PRTFDC1: variants seen among roughly 807,000 people sequenced by gnomAD.
PRTFDC1 encodes the protein phosphoribosyl transferase domain containing 1.
In PRTFDC1, 38 loss-of-function variants were observed where a neutral mutation model predicts 34.6. That is an observed-to-expected ratio of 1.10 (90% CI 0.85 to 1.44). PRTFDC1 has a LOEUF of 1.44. Ranked by LOEUF, PRTFDC1 falls within the 40% of genes most tolerant of loss-of-function variation. PRTFDC1 has a pLI of 0.00. For synonymous variants in PRTFDC1, 93 were observed against 98.1 expected (o/e 0.95, Z 0.31); for missense variants, 270 against 283.0 (o/e 0.95, Z 0.33).
intron 3 of PRTFDC1, among the ~76,000 whole-genome samples, chr10:24,907,044 T>C (rs1848547865): frequency 6.6e-6 from 1 of 152,066 alleles, no homozygotes; most frequent in African/African-American, 2.4e-5. Flanking sequence ...AATGAGATAG[T>C]ATAGATAAGT....
intron 3 of PRTFDC1, among the ~76,000 whole-genome samples, chr10:24,899,338 A>G (rs1848416042): frequency 6.6e-6 from 1 of 152,086 alleles, no homozygotes. Context: ...GTTAAAGCAC[A>G]ACTTTGTCTT....
intron 3 of PRTFDC1, among the ~76,000 whole-genome samples, chr10:24,876,024 T>C (rs931293389): frequency 2.6e-5 from 4 of 152,092 alleles, no homozygotes; most frequent in Non-Finnish European, 2.9e-5. Flanking sequence ...CCTGGACTTA[T>C]CAGAGCTTTT....
intron 3 of PRTFDC1, among the ~76,000 whole-genome samples, chr10:24,930,672 C>T (rs1338618870): frequency 6.6e-6 from 1 of 151,998 alleles, no homozygotes; most frequent in African/African-American, 2.4e-5. Context: ...ATACTAGATC[C>T]ACCACTTACA....
At chr10:24,850,029 T>C in intron 8 of PRTFDC1, 138 bp from the exon 9 acceptor site, 1 of 801,562 alleles carries the variant, frequency 1.2e-6, no homozygotes, top group Non-Finnish European at 2.0e-6. Context: ...TTTATATGTG[T>C]GGGTAAAATC....
chr10:24,900,920 A>ATTT lies in PRTFDC1; in HGVS notation c.340-28860_340-28858dup, dbSNP rs530841764. Among the ~76,000 whole-genome samples, 72 of 152,318 alleles carry ATTT rather than the reference A, an allele frequency of 4.7e-4. 1 individual carries two copies. In the East Asian group the frequency reaches 0.011, roughly 24 times the overall value. ...AGGCATGACCCTACGAAAGGAGACTATTTTGTGGTAACTTGTCGCTAACAG... is the reference window on the plus strand; with the variant it reads ...AGGCATGACCCTACGAAAGGAGACTATTTTTTTGTGGTAACTTGTCGCTAACAG... On this transcript the variant is annotated intron_variant, in intron 3 of 8. Coordinates refer to ENST00000320152, the MANE Select transcript of PRTFDC1 (RefSeq NM_020200.7).
chr10:24,935,135 G>A (rs1439056880), intron 3 of PRTFDC1, among the ~76,000 whole-genome samples: 1 of 152,198 alleles, frequency 6.6e-6, no homozygotes, highest in Admixed American at 6.5e-5. Flanking sequence ...TGATTTACAT[G>A]ATTGTATGCA....
intron 3 of PRTFDC1, among the ~76,000 whole-genome samples, chr10:24,915,659 C>A (rs1848683350): frequency 6.6e-6 from 1 of 152,216 alleles, no homozygotes; most frequent in African/African-American, 2.4e-5. Context: ...TGGTGGTCAA[C>A]ATTCAGTCTT....
intron 4 of PRTFDC1, among the ~76,000 whole-genome samples, chr10:24,868,634 C>A (rs544449629): frequency 6.6e-6 from 1 of 152,026 alleles, no homozygotes; most frequent in South Asian, 2.1e-4. Flanking sequence ...TTTTAAATTT[C>A]TTTTGTAGAG....
intron 3 of PRTFDC1, among the ~76,000 whole-genome samples, chr10:24,918,700 C>A (rs888729582): frequency 1.3e-5 from 2 of 152,142 alleles, no homozygotes; most frequent in Non-Finnish European, 2.9e-5. Flanking sequence ...CAGGTGTGAG[C>A]CACTATGCCT....
chr10:24,881,675 C>A (rs897681521), intron 3 of PRTFDC1, among the ~76,000 whole-genome samples: 2 of 152,194 alleles, frequency 1.3e-5, no homozygotes, highest in Non-Finnish European at 2.9e-5. Flanking sequence ...AAAAGAACCT[C>A]AACAATCACT....
At chr10:24,859,803 C>T (rs1413965178) in intron 4 of PRTFDC1, among the ~76,000 whole-genome samples, 1 of 152,194 alleles carries the variant, frequency 6.6e-6, no homozygotes, top group Non-Finnish European at 1.5e-5. Flanking sequence ...TCATGTTTGT[C>T]TTGATTCCTA....
intron 3 of PRTFDC1, among the ~76,000 whole-genome samples, chr10:24,878,412 T>C (rs1848006957): frequency 6.6e-6 from 1 of 152,172 alleles, no homozygotes; most frequent in Non-Finnish European, 1.5e-5. Context: ...AAGAAGCACA[T>C]AGTGGGTCCT....
intron 3 of PRTFDC1, among the ~76,000 whole-genome samples, chr10:24,914,384 T>C (rs933367309): frequency 1.3e-5 from 2 of 152,174 alleles, no homozygotes; most frequent in African/African-American, 4.8e-5. Flanking sequence ...TTTTGTGAAC[T>C]AGGGAGAATA....
intron 3 of PRTFDC1, among the ~76,000 whole-genome samples, chr10:24,895,687 G>A (rs1848343877): frequency 9.7e-5 from 3 of 30,832 alleles, no homozygotes; most frequent in South Asian, 2.1e-3. Context: ...GAGCTGGGGT[G>A]GATATATATA....
chr10:24,930,866 T>A (rs1848961547), intron 3 of PRTFDC1, among the ~76,000 whole-genome samples: 1 of 152,220 alleles, frequency 6.6e-6, no homozygotes, highest in Non-Finnish European at 1.5e-5. Flanking sequence ...ACATTCCTAT[T>A]TTTTCAGTGG....
intron 3 of PRTFDC1, among the ~76,000 whole-genome samples, chr10:24,899,945 T>C (rs887634041): frequency 2.0e-5 from 3 of 152,168 alleles, no homozygotes; most frequent in Non-Finnish European, 4.4e-5. Flanking sequence ...ATTTAGGGCA[T>C]TGGTGGAAAA....
intron 4 of PRTFDC1, among the ~76,000 whole-genome samples, chr10:24,870,612 T>C (rs1480344633): frequency 6.6e-6 from 1 of 152,204 alleles, no homozygotes; most frequent in Non-Finnish European, 1.5e-5. Context: ...GGAAATTACT[T>C]TGAGTATTTT....
At chr10:24,893,353 A>G (rs1429982388) in intron 3 of PRTFDC1, among the ~76,000 whole-genome samples, 1 of 151,814 alleles carries the variant, frequency 6.6e-6, no homozygotes, top group Admixed American at 6.6e-5. Context: ...CAGTGACGCA[A>G]TCATAGCACA....
At chr10:24,945,464 AT>A (rs1351526680) in intron 1 of PRTFDC1, among the ~76,000 whole-genome samples, 1 of 152,060 alleles carries the variant, frequency 6.6e-6, no homozygotes, top group Non-Finnish European at 1.5e-5. Context: ...CATCTATGTT[AT>A]TTTTTAAGAG....
Sources: gnomAD v4.1 joint callset for allele counts (sites outside exome capture counted in the v4.1 genomes callset) on GRCh38, gnomAD v4.1.1 for gene constraint, MANE v1.5 for transcripts, NCBI Gene and HGNC (gene_info 2026-07-23, HGNC 2026-07-21) for gene names.